Variants in KCNE3 observed in about 807,000 individuals in gnomAD.
The protein encoded by KCNE3 is potassium voltage-gated channel subfamily E member 3.
Under a neutral mutation model 4.3 loss-of-function variants are expected in KCNE3, and 2 were observed. The observed-to-expected ratio is 0.47, with a 90% CI of 0.19 to 1.48. The LOEUF (loss-of-function observed/expected upper bound fraction) is 1.48. KCNE3 is among the 40% of genes most tolerant of loss of function. KCNE3 has a pLI of 0.25. For missense variants in KCNE3, 128 were observed against 136.8 expected (o/e 0.94, Z 0.32); for synonymous variants, 47 against 52.0 (o/e 0.90, Z 0.41).
chr11:74,455,768 C>A lies in KCNE3; in HGVS notation c.*1484G>T, dbSNP rs529326016. ...TTTGAGACAGAGCCTTGCTCTGTCACCCAGGCTGGAGTGCAGTGGCGTGAT... is the reference window on the plus strand; with the variant it reads ...TTTGAGACAGAGCCTTGCTCTGTCAACCAGGCTGGAGTGCAGTGGCGTGAT... On this transcript the variant is annotated 3_prime_UTR_variant, in exon 3 of 3. Transcript: ENST00000310128. The A allele has an allele frequency of 1.3e-5, 2 of 151,586 alleles. No homozygotes were observed. Among genetic ancestry groups the A allele is most frequent in the East Asian group, 3.9e-4 (2 of 5,106 alleles). 9.4% of individuals were successfully genotyped at this position (151,586 alleles called of 1,614,324 possible).
chr11:74,461,232 A>T (rs1472686071), intron 2 of KCNE3, among the ~76,000 whole-genome samples: 1 of 152,140 alleles, frequency 6.6e-6, no homozygotes, highest in Non-Finnish European at 1.5e-5. Flanking sequence ...AACAAGGTGA[A>T]TCTAGTTAAC....
intron 2 of KCNE3, among the ~76,000 whole-genome samples, chr11:74,460,432 T>C (rs780524578): frequency 6.6e-6 from 1 of 152,230 alleles, no homozygotes; most frequent in South Asian, 2.1e-4. Flanking sequence ...GCCCAGGGGC[T>C]CTGATACAAT....
At chr11:74,465,686 G>A (rs967406121) in intron 1 of KCNE3, among the ~76,000 whole-genome samples, 7 of 152,072 alleles carry the variant, frequency 4.6e-5, no homozygotes, top group African/African-American at 1.4e-4. Context: ...CTGTATGCTT[G>A]GCTCTGTGTC....
chr11:74,463,353 G>A (rs1863995385), intron 1 of KCNE3, among the ~76,000 whole-genome samples: 1 of 152,170 alleles, frequency 6.6e-6, no homozygotes, highest in Admixed American at 6.5e-5. Context: ...TTGTATGGGA[G>A]GGAAGGCTGG....
At position 74,457,446 on chromosome 11, in the gene KCNE3, C is replaced by G; in HGVS notation, c.118G>C (p.Asp40His). ...LCRPGPGLGPDNQTEERRASL... is the reference protein window; with the variant it reads ...LCRPGPGLGPHNQTEERRASL... ...GCCCGCCTCTCTTCAGTCTGGTTGTCTGGCCCCAGCCCTGGCCCTGGCCGG... is the reference window on the plus strand; with the variant it reads ...GCCCGCCTCTCTTCAGTCTGGTTGTGTGGCCCCAGCCCTGGCCCTGGCCGG... Residue 40 changes from aspartate (D) to histidine (H), a missense_variant, in exon 3 of 3, where the codon GAC becomes CAC. Asp to His is a moderately conservative substitution (Grantham distance 81, BLOSUM62 -1). Transcript: ENST00000310128. 6.2e-7 allele frequency: 1 copy of G among 1,613,946 alleles called. No homozygotes were observed. The highest frequency in any genetic ancestry group is 8.5e-7 in the Non-Finnish European group (1 of 1,179,814).
intron 1 of KCNE3, among the ~76,000 whole-genome samples, chr11:74,466,699 TC>T (rs943695213): frequency 2.0e-5 from 3 of 152,068 alleles, no homozygotes; most frequent in African/African-American, 7.2e-5. Flanking sequence ...TGAGGTCCAA[TC>T]CCCCTTTCCC....
intron 2 of KCNE3, among the ~76,000 whole-genome samples, chr11:74,458,411 A>C (rs945882281): frequency 6.6e-6 from 1 of 152,262 alleles, no homozygotes; most frequent in Non-Finnish European, 1.5e-5. Flanking sequence ...AGTAGAGCCA[A>C]GACAGAAAGC....
rs11822977 is a variant in KCNE3, at chr11:74,457,235, G to A, written c.*17C>T. 2.2e-3 allele frequency: 3,602 copies of A among 1,611,564 alleles called. 58 individuals carry two copies. The African/African-American group carries it at 0.041, about 18-fold the overall frequency. On this transcript the variant is annotated 3_prime_UTR_variant, in exon 3 of 3. Coordinates refer to ENST00000310128, the MANE Select transcript of KCNE3 (RefSeq NM_005472.5). The stretch of plus-strand genomic sequence containing the variant: ...TCCCCAGGTGTCTTGGTCTTCCACC[G>A]TCCCAGCCCTCTCGTGTTAGATCAT...
At chr11:74,463,422 G>A (rs1263584109) in intron 1 of KCNE3, among the ~76,000 whole-genome samples, 1 of 152,102 alleles carries the variant, frequency 6.6e-6, no homozygotes, top group Admixed American at 6.6e-5. Context: ...GGCACAAGTT[G>A]GTTCTCTATG....
rs72552110 is a variant in KCNE3 at position 74,463,995 on chromosome 11, T to C, written c.-189-1892A>G. Among the ~76,000 whole-genome samples, 510 of 152,288 alleles carry C rather than the reference T, an allele frequency of 3.3e-3. 3 individuals carry two copies. Among genetic ancestry groups the C allele is most frequent in the Middle Eastern group, 0.02 (6 of 294 alleles). ...CCAGTGAGATGGAGGTTGGTAAGCT[T>C]GGGAGGAGGAGTTAGACTTCGTTTA... is the stretch of plus-strand genomic sequence containing the variant. On this transcript the variant is annotated intron_variant, in intron 1 of 2. Coordinates refer to ENST00000310128, the MANE Select transcript of KCNE3 (RefSeq NM_005472.5).
At chr11:74,466,128 G>A (rs12285733) in intron 1 of KCNE3, among the ~76,000 whole-genome samples, 2,332 of 152,258 alleles carry the variant, frequency 0.015, 51 homozygotes, top group African/African-American at 0.054. Flanking sequence ...CAGGAGACCT[G>A]GGTTCCTGCC....
At chr11:74,461,292 TTG>T (rs4018948) in intron 2 of KCNE3, among the ~76,000 whole-genome samples, 20,814 of 148,266 alleles carry the variant, frequency 0.14, 1,408 homozygotes, top group South Asian at 0.22. Context: ...TTTTTATGTT[TTG>T]TGTGTGTGTG....
chr11:74,462,395 G>A (rs1330482922), intron 1 of KCNE3: 1 of 152,228 alleles, frequency 6.6e-6, no homozygotes, highest in East Asian at 1.9e-4. Flanking sequence ...TTAAAATGTG[G>A]ACTCCCACTC....
Position 74,457,327 on chromosome 11 carries a change from G to A in KCNE3, c.237C>T (p.Tyr79=), listed in dbSNP as rs768106696. ...AVTVGSLILG[Y]TRSRKVDKRS... ...GCTTGTCCACTTTGCGGGAGCGGGT[G>A]TATCCCAGGATGAGGCTGCCCACAG... Residue 79 remains tyrosine (Y), a synonymous_variant, in exon 3 of 3, where the codon TAC becomes TAT. Transcript: ENST00000310128. 6.8e-6 allele frequency: 11 copies of A among 1,614,138 alleles called. No individual in the cohort carries two copies. Among genetic ancestry groups the A allele is most frequent in the Admixed American group, 1.7e-5 (1 of 60,008 alleles).
At chr11:74,461,300 G>T (rs895720422) in intron 2 of KCNE3, among the ~76,000 whole-genome samples, 131 of 145,564 alleles carry the variant, frequency 9.0e-4, no homozygotes, top group African/African-American at 3.4e-3. Context: ...TTTTGTGTGT[G>T]TGTGTGTGTG....
rs1863851762 is a variant in KCNE3 at position 74,457,550 on chromosome 11, T to C, written c.14A>G (p.Asn5Ser). ...GCTCTCATACCAGGTCTCCGTTCCA[T>C]TGGTAGTCTCCATAGCAACAGGGAT... Reference protein sequence around the residue: METTNGTETWYESLH... With the variant: METTSGTETWYESLH... Residue 5 changes from asparagine to serine, a missense_variant, in exon 3 of 3, where the codon AAT (asparagine) becomes AGT (serine). Physicochemically the swap from Asn to Ser is conservative, Grantham distance 46. Coordinates refer to ENST00000310128, the MANE Select transcript of KCNE3 (RefSeq NM_005472.5). The C allele has an allele frequency of 6.2e-7, 1 of 1,614,140 alleles. No homozygotes were observed. The highest frequency in any genetic ancestry group is 1.3e-5 in the African/African-American group (1 of 75,032).
At chr11:74,458,419 A>T (rs1023471630) in intron 2 of KCNE3, among the ~76,000 whole-genome samples, 1 of 152,230 alleles carries the variant, frequency 6.6e-6, no homozygotes, top group Admixed American at 6.5e-5. Context: ...CAAGACAGAA[A>T]GCCCTGCTCT....
chr11:74,467,240 G>C lies in KCNE3; in HGVS notation c.-190+158C>G, dbSNP rs762170877. Among the ~76,000 whole-genome samples, 9 of 151,960 alleles carry C rather than the reference G, an allele frequency of 5.9e-5. No individual in the cohort carries two copies. Among genetic ancestry groups the C allele is most frequent in the Non-Finnish European group, 1.3e-4 (9 of 67,956 alleles). ...GGGAGGATCGGGGAGGATCCGGGAG[G>C]ACTAGCTTGGTATTTGCAGCGCCCA... On this transcript the variant is annotated intron_variant, in intron 1 of 2. Coordinates refer to ENST00000310128, the MANE Select transcript of KCNE3 (RefSeq NM_005472.5). This position sits in a 1 kb window ranked among gnomAD's most constrained non-coding sequence, Gnocchi z 4.4.
chr11:74,461,194 A>G (rs1376248481), intron 2 of KCNE3, among the ~76,000 whole-genome samples: 1 of 152,154 alleles, frequency 6.6e-6, no homozygotes, highest in Non-Finnish European at 1.5e-5. Flanking sequence ...ATTTTACAAG[A>G]TGAGGAGATT....
Sources: gnomAD v4.1 joint callset for allele counts (sites outside exome capture counted in the v4.1 genomes callset) on GRCh38, gnomAD v4.1.1 for gene constraint, Gnocchi (gnomAD v3.1) non-coding constraint, MANE v1.5 for transcripts, NCBI Gene and HGNC (gene_info 2026-07-23, HGNC 2026-07-21) for gene names.